The following FGF13 variants were observed in gnomAD, a reference collection of about 807,000 sequenced individuals.
The protein encoded by FGF13 is fibroblast growth factor homologous factor 2.
A neutral mutation model predicts 19.5 loss-of-function variants in FGF13; 2 were observed. The ratio of observed to expected loss-of-function variants is 0.10; its 90% CI spans 0.04 to 0.32. The LOEUF (loss-of-function observed/expected upper bound fraction) is 0.32. Ranked by LOEUF, FGF13 falls within the 10% of genes least tolerant of loss-of-function variation. The pLI, the probability that FGF13 is intolerant of heterozygous loss-of-function variation, is 1.00. For missense variants in FGF13, 113 were observed against 192.7 expected, an observed-to-expected ratio of 0.59 and a Z score of 2.45; for synonymous variants, 72 against 76.9, an observed-to-expected ratio of 0.94 and a Z score of 0.33.
At chrX:139,089,839 C>T (rs2083428354) in intron 1 of FGF13, among the ~76,000 whole-genome samples, 1 of 111,451 alleles carries the variant, frequency 9.0e-6, no homozygotes, top group Non-Finnish European at 1.9e-5. Context: ...ATCTTTGTGA[C>T]CATCATTATT....
At chrX:138,983,712 A>G (rs1261287905) in intron 1 of FGF13, among the ~76,000 whole-genome samples, 1 of 110,921 alleles carries the variant, frequency 9.0e-6, no homozygotes, top group East Asian at 2.8e-4. Flanking sequence ...AGGATCTTGA[A>G]AAGATATTTG....
At position 138,644,309 on chromosome X, in the gene FGF13, G is replaced by A. The variant is rs766876371; in HGVS notation, c.403-8654C>T. 4.6e-5 allele frequency among the ~76,000 whole-genome samples: 5 copies of A among 109,767 alleles called. No homozygotes were observed. The East Asian group carries it at 1.1e-3, about 25-fold the overall frequency. On this transcript the variant is annotated intron_variant, in intron 3 of 4. Coordinates refer to ENST00000315930, the MANE Select transcript of FGF13 (RefSeq NM_004114.5). The stretch of plus-strand genomic sequence containing the variant: ...CTTTTCTTTTTTGAGATGGAGTCTC[G>A]TTCTGTTGCCCAGGCTGGAGTACAA...
intron 1 of FGF13, among the ~76,000 whole-genome samples, chrX:139,139,153 G>A (rs755110136): frequency 3.0e-4 from 33 of 110,416 alleles, no homozygotes; most frequent in Non-Finnish European, 5.3e-4. Flanking sequence ...GGCTGGTCTC[G>A]AACTCCTGAC....
chrX:138,953,734 T>C (rs908178666), intron 1 of FGF13, among the ~76,000 whole-genome samples: 6 of 111,049 alleles, frequency 5.4e-5, no homozygotes, highest in Non-Finnish European at 1.1e-4. Flanking sequence ...GCAACACTAC[T>C]TAGCAATAAA....
intron 1 of FGF13, among the ~76,000 whole-genome samples, chrX:139,061,844 C>G (rs899327817): frequency 9.0e-6 from 1 of 110,606 alleles, no homozygotes; most frequent in Non-Finnish European, 1.9e-5. Context: ...TTTTCATATA[C>G]CTGTTGGCCG....
intron 1 of FGF13, among the ~76,000 whole-genome samples, chrX:138,950,870 G>A (rs2091807693): frequency 9.0e-6 from 1 of 110,679 alleles, no homozygotes; most frequent in Non-Finnish European, 1.9e-5. Context: ...GTCTAGTAGG[G>A]GAAGAAAAGG....
chrX:138,664,038 C>T (rs2089515719), intron 3 of FGF13, among the ~76,000 whole-genome samples: 2 of 111,879 alleles, frequency 1.8e-5, no homozygotes, highest in South Asian at 7.5e-4. Flanking sequence ...ATTCAGCACA[C>T]CTCCAAGGCT....
chrX:138,739,215 C>T lies in FGF13; in HGVS notation c.28+27G>A, dbSNP rs748322555. 1.1e-5 allele frequency: 10 copies of T among 907,301 alleles called. No individual in the cohort carries two copies. In the African/African-American group the frequency reaches 1.2e-4, roughly 11 times the overall value. The allele number at this position is 907,301 out of a possible 1,213,427, so 74.8% of individuals were successfully genotyped here. ...GATAAACATTCAAATCTATGTCCAT[C>T]AAAAACATTGCAGAAATAAATCTTA... On this transcript the variant is annotated intron_variant, in intron 1 of 4. Transcript: ENST00000305414.
intron 1 of FGF13, among the ~76,000 whole-genome samples, chrX:138,988,756 CA>C (rs1276611430): frequency 1.8e-5 from 2 of 111,903 alleles, no homozygotes; most frequent in Non-Finnish European, 3.8e-5. Context: ...TCAAAGAAAG[CA>C]GGAGCTGAAA....
chrX:138,902,099 C>T (rs1569420952), intron 1 of FGF13, among the ~76,000 whole-genome samples: 1 of 112,041 alleles, frequency 8.9e-6, no homozygotes, highest in African/African-American at 3.2e-5. Flanking sequence ...TACTTCCTGA[C>T]ATTTTAAGAA....
intron 1 of FGF13, among the ~76,000 whole-genome samples, chrX:138,969,636 C>T (rs1478725054): frequency 8.9e-6 from 1 of 111,767 alleles, no homozygotes; most frequent in African/African-American, 3.3e-5. Flanking sequence ...AGAACACTGG[C>T]TCTGAATCCA....
At chrX:138,779,014 C>T (rs1411506230) in intron 3 of FGF13, among the ~76,000 whole-genome samples, 1 of 112,235 alleles carries the variant, frequency 8.9e-6, no homozygotes, top group Non-Finnish European at 1.9e-5. Flanking sequence ...GACTCCTGAC[C>T]CCAGAGCAGC....
At chrX:139,013,640 C>G (rs1406724133) in intron 1 of FGF13, among the ~76,000 whole-genome samples, 1 of 106,138 alleles carries the variant, frequency 9.4e-6, no homozygotes, top group Non-Finnish European at 1.9e-5. Flanking sequence ...AAATGGAAAA[C>G]CAAACACTGT....
At chrX:139,110,762 A>C (rs1040267309) in intron 1 of FGF13, among the ~76,000 whole-genome samples, 1 of 112,194 alleles carries the variant, frequency 8.9e-6, no homozygotes, top group African/African-American at 3.2e-5. Flanking sequence ...GACATGGAGT[A>C]TTCACAGCAA....
In FGF13 at chrX:138,973,890, C is replaced by T. The variant is rs760613010; in HGVS notation, c.-112-109240G>A. ...TTCAGTCTACGCATGTTCTTACAGGCGAACTTGAGTCTCTTGTAGGCAGTA... is the reference window on the plus strand; with the variant it reads ...TTCAGTCTACGCATGTTCTTACAGGTGAACTTGAGTCTCTTGTAGGCAGTA... On this transcript the variant is annotated intron_variant, in intron 1 of 2. Coordinates refer to the FGF13 transcript ENST00000421460. 1.6e-4 allele frequency among the ~76,000 whole-genome samples: 18 copies of T among 111,538 alleles called. No homozygotes were observed. In the South Asian group the frequency reaches 6.8e-3, roughly 42 times the overall value.
chrX:138,804,235 C>T (rs1363131510), intron 3 of FGF13, among the ~76,000 whole-genome samples: 1 of 112,399 alleles, frequency 8.9e-6, no homozygotes, highest in Non-Finnish European at 1.9e-5. Context: ...CACTCTGCTT[C>T]TGATTTATCC....
intron 1 of FGF13, among the ~76,000 whole-genome samples, chrX:139,139,787 A>G (rs2083828643): frequency 8.9e-6 from 1 of 111,832 alleles, no homozygotes; most frequent in Non-Finnish European, 1.9e-5. Context: ...TAAGAGAAAA[A>G]CACAGAGAAG....
intron 3 of FGF13, among the ~76,000 whole-genome samples, chrX:138,827,658 C>T (rs2091043187): frequency 9.0e-6 from 1 of 111,582 alleles, no homozygotes; most frequent in African/African-American, 3.3e-5. Flanking sequence ...TCCCAGTGAG[C>T]AGTTTGCGAG....
At chrX:138,932,283 AT>A (rs1291211357) in intron 1 of FGF13, among the ~76,000 whole-genome samples, 1 of 112,137 alleles carries the variant, frequency 8.9e-6, no homozygotes, top group Non-Finnish European at 1.9e-5. Context: ...TTACTGAGCC[AT>A]TAAAACGAAA....
Sources: gnomAD v4.1 joint callset for allele counts (sites outside exome capture counted in the v4.1 genomes callset) on GRCh38, gnomAD v4.1.1 for gene constraint, MANE v1.5 for transcripts, NCBI Gene and HGNC (gene_info 2026-07-23, HGNC 2026-07-21) for gene names.